Variants in FNTB observed in about 807,000 individuals in gnomAD.
The protein encoded by FNTB is protein farnesyltransferase subunit beta.
FNTB carries 27 observed loss-of-function variants against 59.4 expected under a neutral mutation model. That is an observed-to-expected ratio of 0.45 (90% CI 0.34 to 0.63). The LOEUF is 0.63. Among genes scored for constraint, FNTB ranks in the 20% least tolerant of loss-of-function variants. FNTB has a pLI of 0.02. For synonymous variants in FNTB, 230 were observed against 220.7 expected (o/e 1.04, Z -0.37); for missense variants, 449 against 559.6 (o/e 0.80, Z 1.99).
Position 65,034,489 on chromosome 14 carries a change from C to T in FNTB, c.692+1793C>T, listed in dbSNP as rs764297383. Among the ~76,000 whole-genome samples, 33 of 152,310 alleles carry T rather than the reference C, an allele frequency of 2.2e-4. 1 individual carries two copies. Among genetic ancestry groups the T allele is most frequent in the Middle Eastern group, 3.4e-3 (1 of 294 alleles). On this transcript the variant is annotated intron_variant, in intron 7 of 11. Transcript: ENST00000246166. ...GGCAATGGTATAAACTGTAGTCTTT[C>T]TGAATTTTGTAAGCATTGCTTCATT... is the stretch of plus-strand genomic sequence containing the variant.
rs2061920945 is a variant in FNTB, at chr14:65,023,290, C to G, written c.375-4163C>G. On this transcript the variant is annotated intron_variant, in intron 4 of 11. Coordinates refer to ENST00000246166, the MANE Select transcript of FNTB (RefSeq NM_002028.4). This position sits in a 1 kb window ranked among gnomAD's most constrained non-coding sequence, Gnocchi z 4.1. ...CCCAGGCTGGCCTTGAACTCCTGAG[C>G]TCAAGTGATCCCCCTCACCTCAGCC... Among the ~76,000 whole-genome samples, 1 of 152,126 alleles carries G rather than the reference C, an allele frequency of 6.6e-6. No individual in the cohort carries two copies. Among genetic ancestry groups the G allele is most frequent in the African/African-American group, 2.4e-5 (1 of 41,440 alleles).
At chr14:65,017,574 A>G (rs1487613081) in intron 4 of FNTB, among the ~76,000 whole-genome samples, 6 of 152,206 alleles carry the variant, frequency 3.9e-5, no homozygotes, top group Admixed American at 2.0e-4. Context: ...GCAATGTCAC[A>G]TAGGAAGAGA....
At chr14:64,995,116 T>C (rs1248375195) in intron 1 of FNTB, among the ~76,000 whole-genome samples, 1 of 152,172 alleles carries the variant, frequency 6.6e-6, no homozygotes, top group Non-Finnish European at 1.5e-5. Context: ...ACGCACACAT[T>C]AGCCTGGACC....
intron 7 of FNTB, among the ~76,000 whole-genome samples, chr14:65,037,225 T>C (rs1183742798): frequency 2.0e-5 from 3 of 151,154 alleles, no homozygotes; most frequent in Non-Finnish European, 1.5e-5. Context: ...TGCCTCAGCC[T>C]CCTGAGTAGC....
rs1264045896 is a variant in FNTB, at chr14:65,023,626, G to T, written c.375-3827G>T. Among the ~76,000 whole-genome samples, 1 of 152,192 alleles carries T rather than the reference G, an allele frequency of 6.6e-6. No homozygotes were observed. Among genetic ancestry groups the T allele is most frequent in the Non-Finnish European group, 1.5e-5 (1 of 68,044 alleles). ...TGGCCACTAGCCACAGTTAGTTGTGGAGTACTTGAAATGTGTCTTGTGTGA... is the reference window on the plus strand; with the variant it reads ...TGGCCACTAGCCACAGTTAGTTGTGTAGTACTTGAAATGTGTCTTGTGTGA... On this transcript the variant is annotated intron_variant, in intron 4 of 11. Transcript: ENST00000246166. This position sits in a 1 kb window ranked among gnomAD's most constrained non-coding sequence, Gnocchi z 4.1.
chr14:65,006,416 G>A, intron 2 of FNTB: 1 of 1,385,192 alleles, frequency 7.2e-7, no homozygotes, highest in South Asian at 1.4e-5. Context: ...ATGAGATACA[G>A]CTAGAGATTA....
At chr14:65,045,368 C>T (rs996500749) in intron 9 of FNTB, among the ~76,000 whole-genome samples, 13 of 151,964 alleles carry the variant, frequency 8.6e-5, no homozygotes, top group Admixed American at 4.6e-4. Context: ...TTCTGCCCCT[C>T]CCCATACTTT....
chr14:65,060,632 C>A (rs2062841710), intron 11 of FNTB, among the ~76,000 whole-genome samples: 1 of 98,646 alleles, frequency 1.0e-5, no homozygotes, highest in Non-Finnish European at 1.7e-5. Context: ...GGAGGCGGAG[C>A]TTGCAGTGAG....
rs1323789513 is a variant in FNTB, at chr14:65,011,718, A to G, written c.210-599A>G. On this transcript the variant is annotated intron_variant, in intron 2 of 11. Coordinates refer to ENST00000246166, the MANE Select transcript of FNTB (RefSeq NM_002028.4). This position sits in a 1 kb window ranked among gnomAD's most constrained non-coding sequence, Gnocchi z 4.0. ...CGGCACATTCCATCTTAAAGCCAGT[A>G]TTGCTGACTTGAAAGCCAAGGACAG... is the stretch of plus-strand genomic sequence containing the variant. Among the ~76,000 whole-genome samples, 1 of 152,204 alleles carries G rather than the reference A, an allele frequency of 6.6e-6. No individual in the cohort carries two copies. The highest frequency in any genetic ancestry group is 2.4e-5 in the African/African-American group (1 of 41,458).
At chr14:65,052,661 CAT>C (rs764120094) in intron 9 of FNTB, among the ~76,000 whole-genome samples, 21 of 152,156 alleles carry the variant, frequency 1.4e-4, no homozygotes, top group Non-Finnish European at 2.6e-4. Context: ...GCTAGGGTAT[CAT>C]ATGATGCAGG....
rs940640000 is a variant in FNTB, at chr14:64,994,102, G to A, written c.144+7005G>A. Among the ~76,000 whole-genome samples the A allele has an allele frequency of 1.3e-5, 2 of 152,020 alleles. No individual in the cohort carries two copies. The highest frequency in any genetic ancestry group is 2.4e-5 in the African/African-American group (1 of 41,386). ...ACTCCTGACCTCAAATGATCCACCC[G>A]CTTCCACCTCCCAAAGTGCTGGGAT... On this transcript the variant is annotated intron_variant, in intron 1 of 11. Coordinates refer to ENST00000246166, the MANE Select transcript of FNTB (RefSeq NM_002028.4). The surrounding 1 kb of genome is among the most constrained non-coding windows in gnomAD (Gnocchi z 4.2).
Position 65,011,403 on chromosome 14 carries a change from T to C in FNTB, c.210-914T>C, listed in dbSNP as rs2061680693. 7.8e-6 allele frequency among the ~76,000 whole-genome samples: 1 copy of C among 128,654 alleles called. No individual in the cohort carries two copies. Among genetic ancestry groups the C allele is most frequent in the Non-Finnish European group, 1.5e-5 (1 of 65,296 alleles). 84.4% of individuals were successfully genotyped at this position (128,654 alleles called of 152,430 possible). A position where few individuals can be genotyped will look rare whatever the true frequency, so the allele number is the denominator to read the frequency against. On this transcript the variant is annotated intron_variant, in intron 2 of 11. Coordinates refer to ENST00000246166, the MANE Select transcript of FNTB (RefSeq NM_002028.4). This position sits in a 1 kb window ranked among gnomAD's most constrained non-coding sequence, Gnocchi z 4.0. ...GAAATCACACCACTGCACTCCAGCC[T>C]GGGTGACAGAGCGAGACTCCGTCTC...
At chr14:64,987,448 TG>T in intron 1 of FNTB, 1 of 328,092 alleles carries the variant, frequency 3.0e-6, no homozygotes, top group Non-Finnish European at 6.0e-6. Flanking sequence ...CGGGAGGTTC[TG>T]GGGTGCATAG....
In FNTB at chr14:65,043,828, CAAAAAAAAAAAAAAAAAAAAA is replaced by C. The variant is rs749243788; in HGVS notation, c.823-471_823-451del. Among the ~76,000 whole-genome samples, 7 of 64,244 alleles carry C rather than the reference CAAAAAAAAAAAAAAAAAAAAA, an allele frequency of 1.1e-4. No individual in the cohort carries two copies. The East Asian group carries it at 2.1e-3, about 20-fold the overall frequency. 42.1% of individuals were successfully genotyped at this position (64,244 alleles called of 152,430 possible). ...TGGGCGACAGAGCGAGACTCCGTCT[CAAAAAAAAAAAAAAAAAAAAA>C]AAAAAAAAAAAGAAATGTAGTACCA... On this transcript the variant is annotated intron_variant, in intron 8 of 11. Coordinates refer to ENST00000246166, the MANE Select transcript of FNTB (RefSeq NM_002028.4).
Position 65,032,540 on chromosome 14 carries a change from C to T in FNTB, c.606-70C>T. 6.4e-7 allele frequency: 1 copy of T among 1,564,330 alleles called. No homozygotes were observed. The highest frequency in any genetic ancestry group is 8.7e-7 in the Non-Finnish European group (1 of 1,151,828). On this transcript the variant is annotated intron_variant, in intron 6 of 11. Coordinates refer to ENST00000246166, the MANE Select transcript of FNTB (RefSeq NM_002028.4). This position sits in a 1 kb window ranked among gnomAD's most constrained non-coding sequence, Gnocchi z 5.0. ...TTACTAGGCAAGGCGAGCAGTCCGC[C>T]CGCGGAGTTCACTGAGCCTCATTAG...
rs2062035854 is a variant in FNTB, at chr14:65,029,158, G to C, written c.605+1377G>C. On this transcript the variant is annotated intron_variant, in intron 6 of 11. Transcript: ENST00000246166. The surrounding 1 kb of genome is among the most constrained non-coding windows in gnomAD (Gnocchi z 4.7). ...CTTTGGGTGATGCTCTGCCATTCGT[G>C]CCCGTGCTTTCTATTTACATAAAGG... is the stretch of plus-strand genomic sequence containing the variant. Among the ~76,000 whole-genome samples the C allele has an allele frequency of 6.6e-6, 1 of 152,100 alleles. No homozygotes were observed. The highest frequency in any genetic ancestry group is 6.5e-5 in the Admixed American group (1 of 15,270).
rs2061684438 is a variant in FNTB, at chr14:65,011,588, A to G, written c.210-729A>G. Among the ~76,000 whole-genome samples, 1 of 152,212 alleles carries G rather than the reference A, an allele frequency of 6.6e-6. No individual in the cohort carries two copies. The highest frequency in any genetic ancestry group is 1.5e-5 in the Non-Finnish European group (1 of 68,036). ...CTGCAAGCACGGGGAACATCTTGACAATCTGTGCTTTTTGTTTCCTTCCCT... is the reference window on the plus strand; with the variant it reads ...CTGCAAGCACGGGGAACATCTTGACGATCTGTGCTTTTTGTTTCCTTCCCT... On this transcript the variant is annotated intron_variant, in intron 2 of 11. Transcript: ENST00000246166. The surrounding 1 kb of genome is among the most constrained non-coding windows in gnomAD (Gnocchi z 4.0).
chr14:65,022,674 T>C (rs28699968), intron 4 of FNTB, among the ~76,000 whole-genome samples: 39 of 144,922 alleles, frequency 2.7e-4, no homozygotes, highest in African/African-American at 9.8e-4. Context: ...GCCAAATACT[T>C]AAAAAAAAAA....
chr14:65,038,909 T>C lies in FNTB; in HGVS notation c.693-1881T>C, dbSNP rs79981997. Among the ~76,000 whole-genome samples the C allele has an allele frequency of 2.8e-3, 424 of 152,318 alleles. 3 individuals are homozygous for C. Among genetic ancestry groups the C allele is most frequent in the Non-Finnish European group, 5.2e-3 (353 of 68,024 alleles). ...CTGACTACTTTTTTATCTACTCTCTTGTTCTTTTCTGGGGATATTTTGTCC... is the reference window on the plus strand; with the variant it reads ...CTGACTACTTTTTTATCTACTCTCTCGTTCTTTTCTGGGGATATTTTGTCC... On this transcript the variant is annotated intron_variant, in intron 7 of 11. Coordinates refer to ENST00000246166, the MANE Select transcript of FNTB (RefSeq NM_002028.4).
Sources: gnomAD v4.1 joint callset for allele counts (sites outside exome capture counted in the v4.1 genomes callset) on GRCh38, gnomAD v4.1.1 for gene constraint, Gnocchi (gnomAD v3.1) non-coding constraint, MANE v1.5 for transcripts, NCBI Gene and HGNC (gene_info 2026-07-23, HGNC 2026-07-21) for gene names.